The following ZMAT4 variants were observed in gnomAD, a reference collection of about 807,000 sequenced individuals.
The protein encoded by ZMAT4 is zinc finger matrin-type protein 4.
ZMAT4 carries 17 observed loss-of-function variants against 28.7 expected under a neutral mutation model. The observed-to-expected ratio is 0.59, with a 90% CI of 0.41 to 0.89. ZMAT4 has a LOEUF of 0.89. ZMAT4 is among the 40% of genes least tolerant of loss of function. The pLI, the probability that ZMAT4 is intolerant of heterozygous loss-of-function variation, is 0.00. For synonymous variants in ZMAT4, 117 were observed against 109.2 expected, an observed-to-expected ratio of 1.07 and a Z score of -0.44; for missense variants, 240 against 283.8, an observed-to-expected ratio of 0.85 and a Z score of 1.11.
intron 5 of ZMAT4, among the ~76,000 whole-genome samples, chr8:40,594,517 GTC>G (rs1805023819): frequency 1.3e-5 from 2 of 152,044 alleles, no homozygotes; most frequent in Non-Finnish European, 2.9e-5. Context: ...ACCCTTATGT[GTC>G]TCTGTTTCCT....
chr8:40,613,407 C>T (rs1389799187), intron 5 of ZMAT4, among the ~76,000 whole-genome samples: 1 of 151,920 alleles, frequency 6.6e-6, no homozygotes, highest in African/African-American at 2.4e-5. Context: ...TGTTCTCAAA[C>T]TCCTGACTTC....
intron 5 of ZMAT4, among the ~76,000 whole-genome samples, chr8:40,667,854 A>AC (rs1213701273): frequency 2.1e-4 from 31 of 146,788 alleles, no homozygotes; most frequent in Middle Eastern, 3.4e-3. Flanking sequence ...AAAAACAACA[A>AC]AAAAAAAAAC....
rs543345324 is a variant in ZMAT4 at position 40,789,040 on chromosome 8, G to A, written c.103-21310C>T. On this transcript the variant is annotated intron_variant, in intron 2 of 6. Coordinates refer to ENST00000297737, the MANE Select transcript of ZMAT4 (RefSeq NM_024645.3). ...GGAAGGGAGGGAGGGAGGGAAGGAAGGAAGGAGAAGGGAAGGGAAGGGAAG... is the reference window on the plus strand; with the variant it reads ...GGAAGGGAGGGAGGGAGGGAAGGAAAGAAGGAGAAGGGAAGGGAAGGGAAG... Among the ~76,000 whole-genome samples, 44 of 136,354 alleles carry A rather than the reference G, an allele frequency of 3.2e-4. No homozygotes were observed. The East Asian group carries it at 8.8e-3, about 27-fold the overall frequency. The allele number at this position is 136,354 out of a possible 152,430, so 89.5% of individuals were successfully genotyped here. A position where few individuals can be genotyped will look rare whatever the true frequency, so the allele number is the denominator to read the frequency against.
At chr8:40,620,815 T>G (rs1204143852) in intron 5 of ZMAT4, among the ~76,000 whole-genome samples, 1 of 152,198 alleles carries the variant, frequency 6.6e-6, no homozygotes. Flanking sequence ...GATGAAGATC[T>G]GTTTATATTT....
At chr8:40,603,429 A>T (rs550388906) in intron 5 of ZMAT4, among the ~76,000 whole-genome samples, 1 of 152,038 alleles carries the variant, frequency 6.6e-6, no homozygotes, top group South Asian at 2.1e-4. Flanking sequence ...GTTCTGTATG[A>T]GTTTTAGGAT....
At chr8:40,787,140 A>G (rs1258569231) in intron 2 of ZMAT4, among the ~76,000 whole-genome samples, 1 of 152,368 alleles carries the variant, frequency 6.6e-6, no homozygotes, top group East Asian at 1.9e-4. Flanking sequence ...TTGAAATGCC[A>G]TCCCAAATTT....
intron 5 of ZMAT4, among the ~76,000 whole-genome samples, chr8:40,674,080 C>CTTTTTTTTTTTTT (rs59753899): frequency 1.9e-5 from 2 of 107,262 alleles, no homozygotes; most frequent in Non-Finnish European, 3.5e-5. Context: ...TTTTTATCAT[C>CTTTTTTTTTTTTT]TTTTTTTTTT....
intron 1 of ZMAT4, among the ~76,000 whole-genome samples, chr8:40,833,615 C>G (rs1159747084): frequency 6.6e-6 from 1 of 150,816 alleles, no homozygotes; most frequent in African/African-American, 2.4e-5. Context: ...GAACAGCAGG[C>G]AGCTAGGGTG....
Position 40,828,945 on chromosome 8 carries a change from T to C in ZMAT4, c.-4-3265A>G, listed in dbSNP as rs1490723450. 2.0e-5 allele frequency among the ~76,000 whole-genome samples: 3 copies of C among 149,944 alleles called. No individual in the cohort carries two copies. The South Asian group carries it at 6.5e-4, about 32-fold the overall frequency. Reference sequence around the variant, plus strand: ...CCTTCACTGTCTTCACCAAGACAGCTGGTAAGAAAAAGGAAAAAAAAAAAA... The same window carrying C: ...CCTTCACTGTCTTCACCAAGACAGCCGGTAAGAAAAAGGAAAAAAAAAAAA... On this transcript the variant is annotated intron_variant, in intron 1 of 6. Coordinates refer to ENST00000297737, the MANE Select transcript of ZMAT4 (RefSeq NM_024645.3).
At chr8:40,867,535 C>A (rs1817719315) in intron 1 of ZMAT4, among the ~76,000 whole-genome samples, 2 of 152,172 alleles carry the variant, frequency 1.3e-5, no homozygotes, top group African/African-American at 4.8e-5. Flanking sequence ...GCCTCTTCGT[C>A]CAAACCATTA....
intron 1 of ZMAT4, among the ~76,000 whole-genome samples, chr8:40,870,133 G>C (rs1038801568): frequency 4.6e-5 from 7 of 152,208 alleles, no homozygotes; most frequent in African/African-American, 1.7e-4. Flanking sequence ...AATCTGATGA[G>C]TGAATGTATC....
At chr8:40,608,929 T>A (rs1433235560) in intron 5 of ZMAT4, among the ~76,000 whole-genome samples, 1 of 152,170 alleles carries the variant, frequency 6.6e-6, no homozygotes, top group East Asian at 1.9e-4. Context: ...TTTACAGCTG[T>A]CTCACAGTGG....
At chr8:40,844,689 G>C (rs144214521) in intron 1 of ZMAT4, among the ~76,000 whole-genome samples, 2,716 of 151,532 alleles carry the variant, frequency 0.018, 31 homozygotes, top group Non-Finnish European at 0.027. Flanking sequence ...GTGTGTGTGT[G>C]TGTGTGTGTT....
At chr8:40,851,020 T>C (rs2150635266) in intron 1 of ZMAT4, among the ~76,000 whole-genome samples, 1 of 152,324 alleles carries the variant, frequency 6.6e-6, no homozygotes, top group South Asian at 2.1e-4. Context: ...ATATGTAATA[T>C]ATGTCTATAA....
At chr8:40,643,698 C>G (rs1807159000) in intron 5 of ZMAT4, among the ~76,000 whole-genome samples, 1 of 151,426 alleles carries the variant, frequency 6.6e-6, no homozygotes. Context: ...CTATAGAAAA[C>G]TCCCCAAAAG....
chr8:40,851,179 T>G (rs1222291659), intron 1 of ZMAT4, among the ~76,000 whole-genome samples: 3 of 152,074 alleles, frequency 2.0e-5, no homozygotes, highest in Non-Finnish European at 4.4e-5. Context: ...ATATAAAACT[T>G]AGCTGGGTGT....
At chr8:40,611,057 A>C (rs1805777382) in intron 5 of ZMAT4, among the ~76,000 whole-genome samples, 1 of 152,134 alleles carries the variant, frequency 6.6e-6, no homozygotes, top group Admixed American at 6.5e-5. Flanking sequence ...CTTAATTGAA[A>C]AGTTCCTTTT....
chr8:40,608,241 GC>G (rs966376412), intron 5 of ZMAT4, among the ~76,000 whole-genome samples: 2 of 152,156 alleles, frequency 1.3e-5, no homozygotes, highest in Non-Finnish European at 2.9e-5. Flanking sequence ...TCTTGGGCAA[GC>G]CTTGCTGTAG....
chr8:40,820,789 CT>C, intron 2 of ZMAT4, among the ~76,000 whole-genome samples: 891 of 17,052 alleles, frequency 0.052, 3 homozygotes, highest in Non-Finnish European at 0.07. Flanking sequence ...ATGGGTGTGT[CT>C]GTGTGTGTAT....
Sources: gnomAD v4.1 joint callset for allele counts (sites outside exome capture counted in the v4.1 genomes callset) on GRCh38, gnomAD v4.1.1 for gene constraint, MANE v1.5 for transcripts, NCBI Gene and HGNC (gene_info 2026-07-23, HGNC 2026-07-21) for gene names.